The following GARIN1B variants were observed in gnomAD, a reference collection of about 807,000 sequenced individuals.
GARIN1B encodes Golgi-associated RAB2 interactor protein 1B.
chr7:128,725,320 C>G, the GARIN1B span, among the ~76,000 whole-genome samples: 1 of 151,762 alleles, frequency 6.6e-6, no homozygotes, highest in African/African-American at 2.4e-5. Context: ...TTTTGGCTAT[C>G]TCAAATTATC....
At chr7:128,716,697 TCAA>T in the GARIN1B span, 1 of 852,812 alleles carries the variant, frequency 1.2e-6, no homozygotes, top group Non-Finnish European at 1.8e-6. Flanking sequence ...TATCCTACCC[TCAA>T]CAAAGAATAT....
At chr7:128,728,568 C>A in the GARIN1B span, among the ~76,000 whole-genome samples, 1 of 152,158 alleles carries the variant, frequency 6.6e-6, no homozygotes, top group South Asian at 2.1e-4. Flanking sequence ...GAGAAGACAG[C>A]AGGGAGTGGT....
At chr7:128,730,011 C>G in the GARIN1B span, 3 of 1,614,186 alleles carry the variant, frequency 1.9e-6, 1 homozygote, top group South Asian at 1.1e-5. Flanking sequence ...GCCTGCAGCC[C>G]CTCTCACTAC....
chr7:128,710,746 G>A, the GARIN1B span, among the ~76,000 whole-genome samples: 226 of 150,880 alleles, frequency 1.5e-3, 1 homozygote, highest in Middle Eastern at 0.01. Flanking sequence ...GTGCAATGAC[G>A]CAATCTGGGC....
chr7:128,715,707 C>T, the GARIN1B span: 1 of 1,583,942 alleles, frequency 6.3e-7, no homozygotes, highest in African/African-American at 1.3e-5. Flanking sequence ...TTGGGTGGCG[C>T]AGAATAGCAC....
the GARIN1B span, chr7:128,716,957 T>C: frequency 6.8e-4 from 1,102 of 1,613,598 alleles, 11 homozygotes; most frequent in African/African-American, 0.013. Context: ...GAACCAGACA[T>C]GGAACAGACC....
the GARIN1B span, among the ~76,000 whole-genome samples, chr7:128,729,673 A>AGCCAGGCT: frequency 6.6e-6 from 1 of 152,154 alleles, no homozygotes; most frequent in East Asian, 1.9e-4. Flanking sequence ...TGGACTCTGG[A>AGCCAGGCT]GCCAGGCTGC....
At chr7:128,709,750 C>CTGTCT in the GARIN1B span, among the ~76,000 whole-genome samples, 8,398 of 114,304 alleles carry the variant, frequency 0.073, 704 homozygotes, top group Non-Finnish European at 0.11. Flanking sequence ...CTCTCTCTCT[C>CTGTCT]TTTTTTTTTT....
At chr7:128,731,312 C>A in the GARIN1B span, 1 of 630,156 alleles carries the variant, frequency 1.6e-6, no homozygotes, top group South Asian at 1.8e-5. Context: ...CATATGCCAC[C>A]TCCATGCCAC....
the GARIN1B span, chr7:128,730,063 C>T: frequency 1.9e-6 from 3 of 1,613,638 alleles, no homozygotes; most frequent in South Asian, 1.1e-5. Context: ...GCTGGCCCCA[C>T]CCATAGGTAC....
chr7:128,717,126 AC>A, the GARIN1B span: 25 of 855,610 alleles, frequency 2.9e-5, no homozygotes, highest in Non-Finnish European at 1.8e-6. Context: ...TTTTTAGACA[AC>A]AGAGTATCCT....
At chr7:128,728,961 CA>C in the GARIN1B span, among the ~76,000 whole-genome samples, 1 of 152,208 alleles carries the variant, frequency 6.6e-6, no homozygotes, top group African/African-American at 2.4e-5. Context: ...TAAACATACA[CA>C]CTCAAAACAT....
At chr7:128,715,339 T>C in the GARIN1B span, 1 of 1,529,134 alleles carries the variant, frequency 6.5e-7, no homozygotes, top group Non-Finnish European at 8.7e-7. Flanking sequence ...TTCATCATTG[T>C]GAGCTGACTG....
the GARIN1B span, among the ~76,000 whole-genome samples, chr7:128,727,883 T>C: frequency 6.6e-6 from 1 of 152,224 alleles, no homozygotes; most frequent in Non-Finnish European, 1.5e-5. Flanking sequence ...TTTATAGGTT[T>C]GAGGGATATT....
chr7:128,718,075 T>C, the GARIN1B span, among the ~76,000 whole-genome samples: 2 of 152,296 alleles, frequency 1.3e-5, no homozygotes, highest in African/African-American at 4.8e-5. Context: ...GAAGACTAAC[T>C]GTGGCATTAA....
At chr7:128,722,334 T>C in the GARIN1B span, among the ~76,000 whole-genome samples, 2 of 152,150 alleles carry the variant, frequency 1.3e-5, no homozygotes, top group Non-Finnish European at 2.9e-5. Flanking sequence ...GCTATATCCC[T>C]AGTACCTGGC....
chr7:128,715,373 GC>G, the GARIN1B span: 1 of 1,573,222 alleles, frequency 6.4e-7, no homozygotes. Context: ...TTGGCCAGCT[GC>G]CCAAGGCCAG....
the GARIN1B span, among the ~76,000 whole-genome samples, chr7:128,714,974 C>G: frequency 1.3e-5 from 2 of 152,174 alleles, no homozygotes; most frequent in Non-Finnish European, 2.9e-5. Context: ...GCAGATCCAC[C>G]AGGGTGTCGG....
the GARIN1B span, among the ~76,000 whole-genome samples, chr7:128,722,760 C>T: frequency 6.6e-6 from 1 of 151,874 alleles, no homozygotes; most frequent in Non-Finnish European, 1.5e-5. Flanking sequence ...GCCGAGATCG[C>T]ACCACTGCAC....
Sources: gnomAD v4.1 joint callset for allele counts (sites outside exome capture counted in the v4.1 genomes callset) on GRCh38, gnomAD v4.1.1 for gene constraint, MANE v1.5 for transcripts, NCBI Gene and HGNC (gene_info 2026-07-23, HGNC 2026-07-21) for gene names.